Variants in SYNRG observed in about 807,000 individuals in gnomAD.
SYNRG encodes AP1 gamma subunit binding protein 1.
SYNRG carries 37 observed loss-of-function variants against 130.9 expected under a neutral mutation model. The ratio of observed to expected loss-of-function variants is 0.28; its 90% CI spans 0.22 to 0.37. The LOEUF is 0.37. Among genes scored for constraint, SYNRG ranks in the 10% least tolerant of loss-of-function variants. The pLI is 1.00. For synonymous variants in SYNRG, 539 were observed against 568.1 expected (o/e 0.95, Z 0.73); for missense variants, 1,338 against 1,588.9 (o/e 0.84, Z 2.68).
chr17:37,607,765 G>C (rs566451433), intron 1 of SYNRG, among the ~76,000 whole-genome samples: 1 of 152,010 alleles, frequency 6.6e-6, no homozygotes, highest in East Asian at 1.9e-4. Flanking sequence ...CTCTAGCCTG[G>C]GTGACAGAAC....
intron 15 of SYNRG, chr17:37,541,705 C>A: frequency 1.9e-6 from 1 of 513,338 alleles, no homozygotes; most frequent in Non-Finnish European, 3.4e-6. Context: ...TCTTTTAACA[C>A]AGCACACCTC....
At chr17:37,569,695 C>CA (rs58479763) in intron 10 of SYNRG, among the ~76,000 whole-genome samples, 6,800 of 87,694 alleles carry the variant, frequency 0.078, 435 homozygotes, top group African/African-American at 0.21. Flanking sequence ...CAAAATGCTA[C>CA]AAAAAAAAAA....
In SYNRG at chr17:37,561,186, A is replaced by G. The variant is rs761910952; in HGVS notation, c.1663+9T>C. On this transcript the variant is annotated intron_variant, in intron 13 of 21. Coordinates refer to ENST00000612223, the MANE Select transcript of SYNRG (RefSeq NM_007247.6). ...AATAATTTATCCTTTTGAGGACTCA[A>G]AAACTTACCTAAAGGTTTATTCTCT... 3 of 1,610,028 alleles carry G rather than the reference A, an allele frequency of 1.9e-6. No individual in the cohort carries two copies. Among genetic ancestry groups the G allele is most frequent in the African/African-American group, 1.3e-5 (1 of 74,710 alleles).
At chr17:37,551,854 GAA>G (rs1475400032) in intron 14 of SYNRG, among the ~76,000 whole-genome samples, 4 of 103,370 alleles carry the variant, frequency 3.9e-5, no homozygotes, top group Non-Finnish European at 7.9e-5. Context: ...AAAAAAATAA[GAA>G]AATTTCTGAG....
Position 37,518,831 on chromosome 17 carries a change from A to C in SYNRG, c.*109T>G. Reference sequence around the variant, plus strand: ...CCCCGTCCCTTGCGGTGTTCTTCATATCGATTCAGGGAAGCGAACTGTGCA... The same window carrying C: ...CCCCGTCCCTTGCGGTGTTCTTCATCTCGATTCAGGGAAGCGAACTGTGCA... On this transcript the variant is annotated 3_prime_UTR_variant, in exon 22 of 22. Coordinates refer to ENST00000612223, the MANE Select transcript of SYNRG (RefSeq NM_007247.6). 6.8e-7 allele frequency: 1 copy of C among 1,466,816 alleles called. No individual in the cohort carries two copies. Among genetic ancestry groups the C allele is most frequent in the Non-Finnish European group, 9.2e-7 (1 of 1,091,646 alleles). The allele number at this position is 1,466,816 out of a possible 1,614,324, so 90.9% of individuals were successfully genotyped here. A position where few individuals can be genotyped will look rare whatever the true frequency, so the allele number is the denominator to read the frequency against.
intron 19 of SYNRG, among the ~76,000 whole-genome samples, chr17:37,524,337 A>G (rs575615752): frequency 6.6e-6 from 1 of 152,394 alleles, no homozygotes; most frequent in South Asian, 2.1e-4. Context: ...CCTTATAAAA[A>G]TGTGTAGATT....
chr17:37,538,918 T>C (rs555919301), intron 17 of SYNRG: 2 of 613,530 alleles, frequency 3.3e-6, no homozygotes, highest in East Asian at 2.8e-4. Context: ...AGCTTAAATA[T>C]TATTTTGATT....
chr17:37,529,689 A>C lies in SYNRG; in HGVS notation c.3666+6290T>G, dbSNP rs139390528. 5.0e-6 allele frequency: 6 copies of C among 1,201,490 alleles called. No homozygotes were observed. The African/African-American group carries it at 7.6e-5, about 15-fold the overall frequency. The allele number at this position is 1,201,490 out of a possible 1,614,324, so 74.4% of individuals were successfully genotyped here. ...TCACCTGGTGAGAGGAGCTACCTCAAGAAGTAAACGCACAGCAGCAACCCA... is the reference window on the plus strand; with the variant it reads ...TCACCTGGTGAGAGGAGCTACCTCACGAAGTAAACGCACAGCAGCAACCCA... On this transcript the variant is annotated intron_variant, in intron 19 of 21. Coordinates refer to ENST00000612223, the MANE Select transcript of SYNRG (RefSeq NM_007247.6).
intron 19 of SYNRG, among the ~76,000 whole-genome samples, chr17:37,524,429 A>C (rs2055565344): frequency 6.6e-6 from 1 of 152,276 alleles, no homozygotes; most frequent in South Asian, 2.1e-4. Context: ...AACACATTTG[A>C]GCTAGATCCA....
chr17:37,594,357 G>C (rs1167944874), intron 3 of SYNRG, among the ~76,000 whole-genome samples: 1 of 140,482 alleles, frequency 7.1e-6, no homozygotes, highest in African/African-American at 2.6e-5. Flanking sequence ...TTTAAAATTT[G>C]TATCAATTGT....
intron 3 of SYNRG, among the ~76,000 whole-genome samples, chr17:37,590,851 C>T (rs766578011): frequency 3.3e-5 from 5 of 151,970 alleles, no homozygotes; most frequent in South Asian, 4.1e-4. Context: ...ACCCAGGAGG[C>T]GGAGTCTGCA....
intron 17 of SYNRG, among the ~76,000 whole-genome samples, 180 bp from the exon 18 acceptor site, chr17:37,538,600 T>C (rs1336313773): frequency 1.3e-5 from 2 of 152,234 alleles, no homozygotes; most frequent in Non-Finnish European, 2.9e-5. Context: ...TTTTGTTTTG[T>C]TTTGCTTTGT....
chr17:37,581,034 T>C (rs1197015911), intron 6 of SYNRG, among the ~76,000 whole-genome samples: 1 of 152,120 alleles, frequency 6.6e-6, no homozygotes, highest in Non-Finnish European at 1.5e-5. Context: ...AATATTAGGA[T>C]ATCATGAAGA....
At chr17:37,534,780 G>A (rs753045864) in intron 19 of SYNRG, among the ~76,000 whole-genome samples, 1 of 152,184 alleles carries the variant, frequency 6.6e-6, no homozygotes, top group Non-Finnish European at 1.5e-5. Context: ...GTGAGAGGAT[G>A]TGCTGCTGAA....
chr17:37,544,991 A>G (rs1211322676), intron 14 of SYNRG, among the ~76,000 whole-genome samples: 1 of 152,030 alleles, frequency 6.6e-6, no homozygotes, highest in Admixed American at 6.6e-5. Context: ...AGGCTGGGGC[A>G]GGTGGATCAC....
Position 37,538,440 on chromosome 17 carries a change from A to G in SYNRG, c.3421-20T>C, listed in dbSNP as rs2057408921. ...AATGACCTACAAGAAATGAAATCACATCACCTTACATAACTGAGAAAAGTC... is the reference window on the plus strand; with the variant it reads ...AATGACCTACAAGAAATGAAATCACGTCACCTTACATAACTGAGAAAAGTC... On this transcript the variant is annotated intron_variant, in intron 17 of 21. Coordinates refer to ENST00000612223, the MANE Select transcript of SYNRG (RefSeq NM_007247.6). 3 of 1,529,942 alleles carry G rather than the reference A, an allele frequency of 2.0e-6. No homozygotes were observed. Among genetic ancestry groups the G allele is most frequent in the Non-Finnish European group, 2.7e-6 (3 of 1,117,054 alleles). 94.8% of individuals were successfully genotyped at this position (1,529,942 alleles called of 1,614,324 possible).
Position 37,542,996 on chromosome 17 carries a change from A to G in SYNRG, c.2609-431T>C, listed in dbSNP as rs116767360. 3.9e-3 allele frequency among the ~76,000 whole-genome samples: 588 copies of G among 152,362 alleles called. 4 individuals are homozygous for G. Among genetic ancestry groups the G allele is most frequent in the African/African-American group, 0.013 (559 of 41,584 alleles). ...TAAAACATGGTCATGTGAAATGCAC[A>G]TGGCAAAATAATTAAAAGTTGACAG... On this transcript the variant is annotated intron_variant, in intron 14 of 21. Transcript: ENST00000612223.
intron 6 of SYNRG, among the ~76,000 whole-genome samples, chr17:37,580,508 T>TGAGAGAGAGAGA (rs1470548930): frequency 0.015 from 1,943 of 133,566 alleles, 25 homozygotes; most frequent in Middle Eastern, 0.026. Context: ...TGTGTGTGTG[T>TGAGAGAGAGAGA]GTGAGAGAGA....
chr17:37,538,483 TATTAGTAG>T (rs1268007235), intron 17 of SYNRG, 63 bp from the exon 18 acceptor site: 2 of 1,234,858 alleles, frequency 1.6e-6, no homozygotes, highest in African/African-American at 3.1e-5. Context: ...ATCAATTTAC[TATTAGTAG>T]AAAACCCAAC....
Sources: gnomAD v4.1 joint callset for allele counts (sites outside exome capture counted in the v4.1 genomes callset) on GRCh38, gnomAD v4.1.1 for gene constraint, MANE v1.5 for transcripts, NCBI Gene and HGNC (gene_info 2026-07-23, HGNC 2026-07-21) for gene names.